The following FAM20C variants were observed in gnomAD, a reference collection of about 807,000 sequenced individuals.
FAM20C encodes the protein FAM20C golgi associated secretory pathway kinase, also known as extracellular serine/threonine protein kinase FAM20C.
FAM20C carries 40 observed loss-of-function variants against 51.5 expected under a neutral mutation model. The ratio of observed to expected loss-of-function variants is 0.78; its 90% CI spans 0.60 to 1.01. FAM20C has a LOEUF of 1.01. FAM20C is among the 50% of genes least tolerant of loss of function. The pLI is 0.00. For synonymous variants in FAM20C, 406 were observed against 380.6 expected, an observed-to-expected ratio of 1.07 and a Z score of -0.78; for missense variants, 861 against 844.7, an observed-to-expected ratio of 1.02 and a Z score of -0.24.
intron 2 of FAM20C, among the ~76,000 whole-genome samples, chr7:208,606 T>G (rs1251649998): frequency 1.4e-5 from 1 of 71,534 alleles, no homozygotes. Flanking sequence ...TGTGGGTGGC[T>G]TATACGTGTG....
Position 206,453 on chromosome 7 carries a change from G to A in FAM20C, c.785-2445G>A, listed in dbSNP as rs113883079. Reference sequence around the variant, plus strand: ...CCCCATCCCACCTTTGCACCCTCCCGTGCACTGTGATGCGTTGGCCCTGGT... The same window carrying A: ...CCCCATCCCACCTTTGCACCCTCCCATGCACTGTGATGCGTTGGCCCTGGT... On this transcript the variant is annotated intron_variant, in intron 2 of 9. Coordinates refer to ENST00000313766, the MANE Select transcript of FAM20C (RefSeq NM_020223.4). Among the ~76,000 whole-genome samples the A allele has an allele frequency of 4.1e-4, 62 of 152,146 alleles. 1 individual carries two copies. The South Asian group carries it at 0.011, about 26-fold the overall frequency.
In FAM20C at chr7:256,782, C is replaced by T. The variant is rs534326893; in HGVS notation, c.1363+19C>T. Reference sequence around the variant, plus strand: ...CTCATGGGTACGTCCCGCAGGGGCACGGGGTCCCCGTGTCACTCGCCTTGC... The same window carrying T: ...CTCATGGGTACGTCCCGCAGGGGCATGGGGTCCCCGTGTCACTCGCCTTGC... On this transcript the variant is annotated intron_variant, in intron 7 of 9. Transcript: ENST00000313766. The T allele has an allele frequency of 8.1e-5, 124 of 1,532,314 alleles. No individual in the cohort carries two copies. The highest frequency in any genetic ancestry group is 9.9e-5 in the Non-Finnish European group (113 of 1,143,542). 94.9% of individuals were successfully genotyped at this position (1,532,314 alleles called of 1,614,324 possible).
At chr7:195,094 T>G (rs1490357229) in intron 1 of FAM20C, 1 of 158,896 alleles carries the variant, frequency 6.3e-6, no homozygotes, top group Non-Finnish European at 1.4e-5. Flanking sequence ...AGCAGAGAGC[T>G]GGGGAAGGTT....
chr7:197,088 A>G (rs556513298), intron 2 of FAM20C: 1 of 167,048 alleles, frequency 6.0e-6, no homozygotes, highest in South Asian at 2.1e-4. Context: ...ATGGCCATTA[A>G]GGAAATATCC....
At position 256,044 on chromosome 7, in the gene FAM20C, G is replaced by C. The variant is rs1352225835; in HGVS notation, c.1253+15G>C. On this transcript the variant is annotated intron_variant, in intron 6 of 9. Transcript: ENST00000313766. The stretch of plus-strand genomic sequence containing the variant: ...AAGAAGGCCGAGTGAGTGCGGGGCC[G>C]GGGGGCTGGCGTCCGGCCACCCTAC... 2.6e-6 allele frequency: 4 copies of C among 1,531,566 alleles called. No homozygotes were observed. In the South Asian group the frequency reaches 3.6e-5, roughly 14 times the overall value. The allele number at this position is 1,531,566 out of a possible 1,614,324, so 94.9% of individuals were successfully genotyped here.
chr7:207,810 C>T (rs900513742), intron 2 of FAM20C, among the ~76,000 whole-genome samples: 36 of 152,226 alleles, frequency 2.4e-4, no homozygotes, highest in Admixed American at 5.9e-4. Context: ...GCTTAGCTCC[C>T]GGGGCTGCCC....
intron 5 of FAM20C, among the ~76,000 whole-genome samples, chr7:251,170 C>CG: frequency 6.7e-6 from 1 of 149,572 alleles, no homozygotes; most frequent in Non-Finnish European, 1.5e-5. Context: ...CGGCGGCTCA[C>CG]GCCTGCACTG....
intron 2 of FAM20C, among the ~76,000 whole-genome samples, chr7:202,521 T>C (rs1198862553): frequency 7.2e-6 from 1 of 138,948 alleles, no homozygotes; most frequent in Non-Finnish European, 1.5e-5. Flanking sequence ...CACTGGGGAA[T>C]GGGGCTTGTG....
chr7:248,442 C>G lies in FAM20C; in HGVS notation c.1072+12C>G, dbSNP rs547974510. 2.0e-5 allele frequency: 30 copies of G among 1,525,184 alleles called. No individual in the cohort carries two copies. In the Admixed American group the frequency reaches 5.9e-4, roughly 30 times the overall value. 94.5% of individuals were successfully genotyped at this position (1,525,184 alleles called of 1,614,324 possible). Reference sequence around the variant, plus strand: ...CTTCATCTCTCCAGGTAGCCTGGCACGGGGGCCCGCATTCATCTCTCCAGG... The same window carrying G: ...CTTCATCTCTCCAGGTAGCCTGGCAGGGGGGCCCGCATTCATCTCTCCAGG... On this transcript the variant is annotated intron_variant, in intron 5 of 9. Transcript: ENST00000313766.
intron 3 of FAM20C, among the ~76,000 whole-genome samples, chr7:210,337 G>A (rs1383486705): frequency 6.6e-6 from 1 of 152,210 alleles, no homozygotes; most frequent in East Asian, 1.9e-4. Flanking sequence ...TCAGCCAGGA[G>A]AGATGGCGTC....
intron 3 of FAM20C, among the ~76,000 whole-genome samples, chr7:219,176 C>T (rs553086892): frequency 4.4e-4 from 67 of 152,160 alleles, no homozygotes; most frequent in Non-Finnish European, 8.7e-4. Flanking sequence ...CCAGGCTCCA[C>T]CTGGGGCGAG....
In FAM20C at chr7:205,040, C is replaced by T. The variant is rs569427066; in HGVS notation, c.785-3858C>T. On this transcript the variant is annotated intron_variant, in intron 2 of 9. Transcript: ENST00000313766. ...GGGTGGTCCTGGATGAGGCGTGTCACCCCCATTCTGCAGGAGCAGCCGAGT... is the reference window on the plus strand; with the variant it reads ...GGGTGGTCCTGGATGAGGCGTGTCATCCCCATTCTGCAGGAGCAGCCGAGT... Among the ~76,000 whole-genome samples the T allele has an allele frequency of 3.9e-5, 6 of 152,374 alleles. No individual in the cohort carries two copies. In the South Asian group the frequency reaches 6.2e-4, roughly 16 times the overall value.
chr7:215,191 G>A (rs1436764698), intron 3 of FAM20C, among the ~76,000 whole-genome samples: 2 of 150,530 alleles, frequency 1.3e-5, no homozygotes, highest in Non-Finnish European at 3.0e-5. Context: ...CGGAGTGAGC[G>A]AGTGAGCACC....
At chr7:253,840 C>G (rs144179863) in intron 5 of FAM20C, among the ~76,000 whole-genome samples, 2 of 152,208 alleles carry the variant, frequency 1.3e-5, no homozygotes, top group Non-Finnish European at 2.9e-5. Flanking sequence ...CCGGCTTAGG[C>G]GAGGACGGGA....
chr7:218,329 T>A (rs1362775820), intron 3 of FAM20C, among the ~76,000 whole-genome samples: 1 of 152,180 alleles, frequency 6.6e-6, no homozygotes, highest in Non-Finnish European at 1.5e-5. Context: ...TTTCCGGTGC[T>A]CCCGTCCTGG....
chr7:213,565 C>G (rs1786828635), intron 3 of FAM20C, among the ~76,000 whole-genome samples: 1 of 152,216 alleles, frequency 6.6e-6, no homozygotes, highest in Admixed American at 6.5e-5. Flanking sequence ...TCATTCTTTC[C>G]TCTGTTGACG....
intron 3 of FAM20C, chr7:229,317 C>A: frequency 5.3e-6 from 1 of 187,164 alleles, no homozygotes; most frequent in Non-Finnish European, 1.1e-5. Context: ...TAATTCCGCA[C>A]ATCGCCGCCC....
chr7:213,843 G>A (rs116653477), intron 3 of FAM20C, among the ~76,000 whole-genome samples: 5,472 of 152,120 alleles, frequency 0.036, 191 homozygotes, highest in African/African-American at 0.088. Context: ...CTGGCTTTTT[G>A]ATGACGGCCG....
intron 3 of FAM20C, among the ~76,000 whole-genome samples, chr7:233,706 G>A (rs1159080609): frequency 6.6e-6 from 1 of 152,208 alleles, no homozygotes; most frequent in Non-Finnish European, 1.5e-5. Context: ...CTTCCCCAGA[G>A]CCTCAGTCAC....
Sources: allele counts gnomAD v4.1 joint callset (sites outside exome capture counted in the v4.1 genomes callset), GRCh38; gene constraint gnomAD v4.1.1; transcripts MANE v1.5; gene names NCBI Gene and HGNC (gene_info 2026-07-23, HGNC 2026-07-21).